PCBP3: variants seen among roughly 807,000 people sequenced by gnomAD.
The protein encoded by PCBP3 is poly(rC) binding protein 3, also known as poly(rC)-binding protein 3.
PCBP3 carries 25 observed loss-of-function variants against 52.7 expected under a neutral mutation model. That is an observed-to-expected ratio of 0.47 (90% confidence interval 0.35 to 0.66). The LOEUF (loss-of-function observed/expected upper bound fraction) is 0.66, where lower values mean the gene tolerates loss of function less well. Among genes scored for constraint, PCBP3 ranks in the 30% least tolerant of loss-of-function variants. The pLI is 0.01. For missense variants in PCBP3, 391 were observed against 490.3 expected (o/e 0.80, Z 1.91); for synonymous variants, 162 against 183.0 (o/e 0.89, Z 0.93).
intron 9 of PCBP3, among the ~76,000 whole-genome samples, chr21:45,909,048 T>C (rs904130003): frequency 5.9e-5 from 9 of 152,004 alleles, no homozygotes; most frequent in African/African-American, 1.9e-4. Flanking sequence ...CCACACTTCC[T>C]GTATCAGCCT....
At chr21:45,646,056 TCTC>T (rs1569069726) in intron 1 of PCBP3, among the ~76,000 whole-genome samples, 16 of 56,754 alleles carry the variant, frequency 2.8e-4, no homozygotes, top group Admixed American at 6.9e-4. Flanking sequence ...CACCTGTTTC[TCTC>T]TCTCTCTCTC....
intron 4 of PCBP3, among the ~76,000 whole-genome samples, chr21:45,820,009 G>A (rs2093082607): frequency 6.6e-6 from 1 of 152,216 alleles, no homozygotes; most frequent in South Asian, 2.1e-4. Context: ...GCCCGCTGGG[G>A]AAGGTGGGGT....
At chr21:45,768,633 A>G (rs1432112211) in intron 4 of PCBP3, among the ~76,000 whole-genome samples, 2 of 152,218 alleles carry the variant, frequency 1.3e-5, no homozygotes. Flanking sequence ...TGTTGAGCAA[A>G]GGAAACACTG....
intron 4 of PCBP3, among the ~76,000 whole-genome samples, chr21:45,815,652 AGTG>A (rs1207503658): frequency 1.6e-5 from 1 of 64,020 alleles, no homozygotes; most frequent in African/African-American, 9.2e-5. Flanking sequence ...GTGAGTGGTG[AGTG>A]GTGAGTGGTG....
chr21:45,877,476 C>T (rs1460449302), intron 5 of PCBP3, among the ~76,000 whole-genome samples: 1 of 152,080 alleles, frequency 6.6e-6, no homozygotes, highest in African/African-American at 2.4e-5. Context: ...ATAGTGGTAC[C>T]AGTTTTAAAC....
chr21:45,877,116 A>G (rs1177845679), intron 5 of PCBP3, among the ~76,000 whole-genome samples: 1 of 152,244 alleles, frequency 6.6e-6, no homozygotes, highest in Non-Finnish European at 1.5e-5. Flanking sequence ...TGACACTTTC[A>G]AACGTGGGTC....
At chr21:45,784,633 G>A (rs569715548) in intron 4 of PCBP3, among the ~76,000 whole-genome samples, 1 of 152,360 alleles carries the variant, frequency 6.6e-6, no homozygotes, top group Non-Finnish European at 1.5e-5. Flanking sequence ...ACTGGTTTTC[G>A]TATTTTTTGG....
At chr21:45,868,706 G>A (rs1384195562) in intron 5 of PCBP3, among the ~76,000 whole-genome samples, 4 of 152,300 alleles carry the variant, frequency 2.6e-5, no homozygotes, top group East Asian at 3.9e-4. Context: ...CCCGTTGCAC[G>A]TCCCCCCGTC....
At position 45,904,132 on chromosome 21, in the gene PCBP3, G is replaced by A. The variant is rs1481927447; in HGVS notation, c.339+3019G>A. 6.6e-6 allele frequency among the ~76,000 whole-genome samples: 1 copy of A among 152,156 alleles called. No homozygotes were observed. Among genetic ancestry groups the A allele is most frequent in the Admixed American group, 6.5e-5 (1 of 15,286 alleles). ...AAGCAGCCGTAACCTACGCTATTAC[G>A]TAGGTTATGTAGGGCTGTGCTGAGT... On this transcript the variant is annotated intron_variant, in intron 9 of 17. Coordinates refer to ENST00000681687, the MANE Select transcript of PCBP3 (RefSeq NM_001384156.1). The surrounding 1 kb of genome is among the most constrained non-coding windows in gnomAD (Gnocchi z 4.8).
intron 1 of PCBP3, among the ~76,000 whole-genome samples, chr21:45,662,586 T>C (rs560804740): frequency 6.6e-6 from 1 of 152,096 alleles, no homozygotes; most frequent in Non-Finnish European, 1.5e-5. Context: ...ATACTAGATA[T>C]AGATCATAGA....
rs548321730 is a variant in PCBP3, at chr21:45,937,618, GTTC to G, written c.909+2319_909+2321del. ...CACATTATTTCAGAATATTTCTATCGTTCTTCTTTGAATTTGCAATGGAGGCAC... is the reference window on the plus strand; with the variant it reads ...CACATTATTTCAGAATATTTCTATCGTTCTTTGAATTTGCAATGGAGGCAC... On this transcript the variant is annotated intron_variant, in intron 16 of 17. Coordinates refer to ENST00000681687, the MANE Select transcript of PCBP3 (RefSeq NM_001384156.1). Among the ~76,000 whole-genome samples, 827 of 152,310 alleles carry G rather than the reference GTTC, an allele frequency of 5.4e-3. 8 individuals are homozygous for G. The highest frequency in any genetic ancestry group is 0.023 in the South Asian group (113 of 4,826).
intron 1 of PCBP3, among the ~76,000 whole-genome samples, chr21:45,662,820 A>G (rs2080496271): frequency 6.6e-6 from 1 of 152,098 alleles, no homozygotes; most frequent in Non-Finnish European, 1.5e-5. Flanking sequence ...CGGTAATGCC[A>G]GTGTCTGTTG....
chr21:45,702,542 A>G (rs1025475771), intron 2 of PCBP3, among the ~76,000 whole-genome samples: 22 of 152,228 alleles, frequency 1.4e-4, no homozygotes, highest in Non-Finnish European at 3.1e-4. Context: ...GTGCAATAGC[A>G]TTATGTCTAA....
intron 4 of PCBP3, among the ~76,000 whole-genome samples, chr21:45,793,903 C>T (rs780807371): frequency 6.6e-6 from 1 of 152,126 alleles, no homozygotes; most frequent in African/African-American, 2.4e-5. Context: ...CCAGCCTCAT[C>T]CCTAATACCC....
rs767357366 is a variant in PCBP3, at chr21:45,942,140, C to T, written c.*434C>T. 31 of 160,924 alleles carry T rather than the reference C, an allele frequency of 1.9e-4. No individual in the cohort carries two copies. Among genetic ancestry groups the T allele is most frequent in the Non-Finnish European group, 3.2e-4 (24 of 74,102 alleles). The allele number at this position is 160,924 out of a possible 1,614,324, so 10.0% of individuals were successfully genotyped here. A position where few individuals can be genotyped will look rare whatever the true frequency, so the allele number is the denominator to read the frequency against. On this transcript the variant is annotated 3_prime_UTR_variant, in exon 18 of 18. Transcript: ENST00000681687. ...CTCACACAGCCCTGCCATGCTGACTCGGTTTCCCCTCAGAGCCATTGTTGT... is the reference window on the plus strand; with the variant it reads ...CTCACACAGCCCTGCCATGCTGACTTGGTTTCCCCTCAGAGCCATTGTTGT...
rs1394345738 is a variant in PCBP3, at chr21:45,935,294, A to G, written c.898A>G (p.Ile300Val). 3.7e-6 allele frequency: 6 copies of G among 1,612,704 alleles called. No homozygotes were observed. The highest frequency in any genetic ancestry group is 3.3e-5 in the Admixed American group (2 of 60,000). The change falls in exon 16 of 18, where the codon ATT becomes GTT. Residue 300 changes from isoleucine to valine, a missense_variant. Physicochemically the swap from Ile to Val is conservative, Grantham distance 29 (BLOSUM62 3). Coordinates refer to ENST00000681687, the MANE Select transcript of PCBP3 (RefSeq NM_001384156.1). ...SPPASTHELT[I>V]PNDLIGCIIG... Reference sequence around the variant, plus strand: ...ACCGGCCAGCACTCATGAGCTCACCATTCCCAATGATGTGAGTATGCCCGC... The same window carrying G: ...ACCGGCCAGCACTCATGAGCTCACCGTTCCCAATGATGTGAGTATGCCCGC...
rs184236994 is a variant in PCBP3, at chr21:45,696,588, C to T, written c.-200+27636C>T. 2.2e-3 allele frequency among the ~76,000 whole-genome samples: 330 copies of T among 152,150 alleles called. 1 individual carries two copies. Among genetic ancestry groups the T allele is most frequent in the African/African-American group, 7.6e-3 (314 of 41,504 alleles). Reference sequence around the variant, plus strand: ...TGGGTGGATCATGAGGTCAAGAGATCGAGACCATCCTGGCCAACATCGTGG... The same window carrying T: ...TGGGTGGATCATGAGGTCAAGAGATTGAGACCATCCTGGCCAACATCGTGG... On this transcript the variant is annotated intron_variant, in intron 2 of 17. Transcript: ENST00000681687.
At chr21:45,835,719 G>A (rs1455734453) in intron 4 of PCBP3, among the ~76,000 whole-genome samples, 1 of 152,172 alleles carries the variant, frequency 6.6e-6, no homozygotes, top group African/African-American at 2.4e-5. Flanking sequence ...AGACTAGGCT[G>A]CATAGCAGAT....
chr21:45,727,657 T>C (rs1363273453), intron 2 of PCBP3, among the ~76,000 whole-genome samples: 1 of 152,202 alleles, frequency 6.6e-6, no homozygotes, highest in Non-Finnish European at 1.5e-5. Flanking sequence ...CCTAGTTGTC[T>C]GGTGCCTGGC....
Sources: gnomAD v4.1 joint callset for allele counts (sites outside exome capture counted in the v4.1 genomes callset) on GRCh38, gnomAD v4.1.1 for gene constraint, Gnocchi (gnomAD v3.1) non-coding constraint, MANE v1.5 for transcripts, NCBI Gene and HGNC (gene_info 2026-07-23, HGNC 2026-07-21) for gene names.